Variants in TMEM182 observed in about 807,000 individuals in gnomAD.
TMEM182 encodes the protein transmembrane protein 182.
In TMEM182, 20 loss-of-function variants were observed where a neutral mutation model predicts 26.8. The ratio of observed to expected loss-of-function variants is 0.75; its 90% confidence interval spans 0.53 to 1.09. The LOEUF (loss-of-function observed/expected upper bound fraction) is 1.09, where lower values mean the gene tolerates loss of function less well. Among genes scored for constraint, TMEM182 ranks in the 50% least tolerant of loss-of-function variants. The pLI is 0.00. For missense variants in TMEM182, 277 were observed against 275.5 expected (o/e 1.01, Z -0.04); for synonymous variants, 109 against 102.2 (o/e 1.07, Z -0.40).
intron 3 of TMEM182, among the ~76,000 whole-genome samples, chr2:102,772,444 G>C (rs1680718311): frequency 6.6e-6 from 1 of 152,162 alleles, no homozygotes. Flanking sequence ...AGGGTGACCA[G>C]GGAGGCCTCA....
At chr2:102,767,923 C>T (rs915976220) in intron 3 of TMEM182, among the ~76,000 whole-genome samples, 1 of 152,106 alleles carries the variant, frequency 6.6e-6, no homozygotes, top group Non-Finnish European at 1.5e-5. Context: ...GTATCTGTCC[C>T]CTTGCCCCAG....
intron 3 of TMEM182, among the ~76,000 whole-genome samples, chr2:102,827,963 C>T (rs958201533): frequency 4.6e-5 from 7 of 152,144 alleles, no homozygotes; most frequent in Admixed American, 1.3e-4. Context: ...TGATTGTGGG[C>T]GCCTGTAATC....
Position 102,786,210 on chromosome 2 carries a change from G to GTTTTTTT in TMEM182, c.332-11637_332-11631dup, listed in dbSNP as rs772846502. ...AAGATTACATAGCACTCAGCAATCT[G>GTTTTTTT]TTTTTTTTTTTTTTTTTTTTTTGTG... On this transcript the variant is annotated intron_variant, in intron 3 of 4. Coordinates refer to ENST00000412401, the MANE Select transcript of TMEM182 (RefSeq NM_144632.5). Among the ~76,000 whole-genome samples the GTTTTTTT allele has an allele frequency of 7.5e-4, 69 of 91,800 alleles. 4 individuals are homozygous for GTTTTTTT. Among genetic ancestry groups the GTTTTTTT allele is most frequent in the African/African-American group, 1.6e-3 (35 of 22,532 alleles). 60.2% of individuals were successfully genotyped at this position (91,800 alleles called of 152,430 possible).
At chr2:102,762,389 A>G (rs1485408834) in intron 1 of TMEM182, 40 bp downstream of exon 1, 12 of 1,612,510 alleles carry the variant, frequency 7.4e-6, no homozygotes, top group Non-Finnish European at 1.0e-5. Flanking sequence ...CATGGTAGTT[A>G]TGAAGATACC....
At chr2:102,786,703 A>G (rs1358458176) in intron 3 of TMEM182, among the ~76,000 whole-genome samples, 1 of 152,214 alleles carries the variant, frequency 6.6e-6, no homozygotes, top group Non-Finnish European at 1.5e-5. Context: ...TTCCCTGGCC[A>G]TTGAATATCT....
Position 102,815,244 on chromosome 2 carries a change from C to A in TMEM182, c.*276C>A. On this transcript the variant is annotated 3_prime_UTR_variant, in exon 5 of 5. Transcript: ENST00000412401. ...TTCATTGAACATGTTAGAGTTCATG[C>A]AGGTCGCAAAGGCCTGATAATAGCT... is the stretch of plus-strand genomic sequence containing the variant. The A allele has an allele frequency of 8.4e-7, 1 of 1,188,696 alleles. No homozygotes were observed. The allele number at this position is 1,188,696 out of a possible 1,614,324, so 73.6% of individuals were successfully genotyped here.
intron 4 of TMEM182, among the ~76,000 whole-genome samples, chr2:102,798,665 C>A (rs1681984844): frequency 6.6e-6 from 1 of 151,794 alleles, no homozygotes; most frequent in Non-Finnish European, 1.5e-5. Context: ...ATGGTGAAAC[C>A]CTGTTTCTAC....
At chr2:102,842,582 T>C (rs541161659) in intron 3 of TMEM182, among the ~76,000 whole-genome samples, 7 of 152,266 alleles carry the variant, frequency 4.6e-5, no homozygotes, top group African/African-American at 1.4e-4. Context: ...TTGAATTTCG[T>C]TGGGAATCCC....
intron 3 of TMEM182, among the ~76,000 whole-genome samples, chr2:102,769,801 T>G (rs750269856): frequency 6.6e-6 from 1 of 152,210 alleles, no homozygotes; most frequent in African/African-American, 2.4e-5. Context: ...GGTACTAAAC[T>G]GTGAATTACT....
chr2:102,745,570 C>G (rs1026480575), intron 1 of TMEM182, among the ~76,000 whole-genome samples: 1 of 152,032 alleles, frequency 6.6e-6, no homozygotes, highest in African/African-American at 2.4e-5. Context: ...GCAACTATCA[C>G]CACAATTTTA....
chr2:102,778,939 T>C (rs1462386519), intron 3 of TMEM182, among the ~76,000 whole-genome samples: 2 of 152,184 alleles, frequency 1.3e-5, no homozygotes, highest in Non-Finnish European at 2.9e-5. Context: ...TCCATTGTTT[T>C]TGCTTCCTTT....
chr2:102,819,960 G>T (rs1196188478), downstream of TMEM182, among the ~76,000 whole-genome samples: 2 of 152,182 alleles, frequency 1.3e-5, no homozygotes, highest in African/African-American at 2.4e-5. Context: ...GGCCATGATT[G>T]TGTCTTTGAA....
intron 3 of TMEM182, among the ~76,000 whole-genome samples, chr2:102,793,347 G>A (rs1044696312): frequency 5.9e-5 from 9 of 152,188 alleles, no homozygotes; most frequent in Non-Finnish European, 1.3e-4. Flanking sequence ...GACAGAAAAC[G>A]TTCCCATGAG....
At chr2:102,777,357 G>A (rs766992543) in intron 3 of TMEM182, among the ~76,000 whole-genome samples, 16 of 151,968 alleles carry the variant, frequency 1.1e-4, no homozygotes, top group South Asian at 4.1e-4. Context: ...ATTATTTTGC[G>A]TATGGATTTT....
At chr2:102,767,871 T>C (rs1349133419) in intron 3 of TMEM182, among the ~76,000 whole-genome samples, 1 of 152,214 alleles carries the variant, frequency 6.6e-6, no homozygotes, top group South Asian at 2.1e-4. Context: ...TATATACTTA[T>C]GGGGGTGAGC....
chr2:102,793,928 C>G (rs1434316287), intron 3 of TMEM182, among the ~76,000 whole-genome samples: 1 of 152,072 alleles, frequency 6.6e-6, no homozygotes, highest in Non-Finnish European at 1.5e-5. Context: ...AAAGCCACCA[C>G]ACATGGTGGC....
At chr2:102,739,116 GCTCT>G (rs1201427364) in intron 1 of TMEM182, among the ~76,000 whole-genome samples, 1 of 152,112 alleles carries the variant, frequency 6.6e-6, no homozygotes, top group African/African-American at 2.4e-5. Context: ...TTTAAGATAA[GCTCT>G]CTGATTATAT....
chr2:102,790,671 G>T (rs140482908), intron 3 of TMEM182, among the ~76,000 whole-genome samples: 13 of 152,230 alleles, frequency 8.5e-5, no homozygotes, highest in African/African-American at 2.9e-4. Context: ...CTTCCTGAAG[G>T]ATTTTTAACA....
chr2:102,781,946 G>T (rs1458637683), intron 3 of TMEM182, among the ~76,000 whole-genome samples: 1 of 152,078 alleles, frequency 6.6e-6, no homozygotes, highest in Non-Finnish European at 1.5e-5. Flanking sequence ...CTGCTCAAAG[G>T]CACCATAGTA....
Sources: allele counts gnomAD v4.1 joint callset (sites outside exome capture counted in the v4.1 genomes callset), GRCh38; gene constraint gnomAD v4.1.1; transcripts MANE v1.5; gene names NCBI Gene and HGNC (gene_info 2026-07-23, HGNC 2026-07-21).